The following PRRX1 variants were observed in gnomAD, a reference collection of about 807,000 sequenced individuals.
The protein encoded by PRRX1 is paired mesoderm homeobox protein 1.
Under a neutral mutation model 24.0 loss-of-function variants are expected in PRRX1, and 8 were observed. That is an observed-to-expected ratio of 0.33 (90% CI 0.20 to 0.60). The LOEUF (loss-of-function observed/expected upper bound fraction) is 0.60, where lower values mean the gene tolerates loss of function less well. Among genes scored for constraint, PRRX1 ranks in the 20% least tolerant of loss-of-function variants. The pLI is 0.82. For missense variants in PRRX1, 281 were observed against 322.4 expected (o/e 0.87, Z 0.98); for synonymous variants, 160 against 131.7 (o/e 1.22, Z -1.47).
Position 170,703,735 on chromosome 1 carries a change from G to T in PRRX1, c.242-15991G>T, listed in dbSNP as rs1286910510. 2.6e-5 allele frequency among the ~76,000 whole-genome samples: 4 copies of T among 152,286 alleles called. No individual in the cohort carries two copies. The East Asian group carries it at 7.7e-4, about 29-fold the overall frequency. ...ACCAGATATCAGCTGCATGCCCTGG[G>T]CTCAGGCAAGATGAGTGAGTTTGCT... On this transcript the variant is annotated intron_variant, in intron 1 of 3. Transcript: ENST00000239461.
chr1:170,702,232 C>T (rs950682724), intron 1 of PRRX1, among the ~76,000 whole-genome samples: 6 of 152,188 alleles, frequency 3.9e-5, no homozygotes, highest in South Asian at 2.1e-4. Context: ...TGCTGTGTGG[C>T]CCTGTTCCTA....
intron 1 of PRRX1, among the ~76,000 whole-genome samples, chr1:170,704,500 T>C (rs1654495950): frequency 6.6e-6 from 1 of 152,222 alleles, no homozygotes; most frequent in Non-Finnish European, 1.5e-5. Flanking sequence ...ATTGATTTAT[T>C]GGCCATTGGT....
At chr1:170,727,368 A>G (rs1655289396) in intron 3 of PRRX1, 1 of 152,198 alleles carries the variant, frequency 6.6e-6, no homozygotes, top group South Asian at 2.1e-4. Flanking sequence ...ACTCTGAGAA[A>G]CCAGGCCAAG....
chr1:170,731,257 C>T (rs1240091222), intron 3 of PRRX1, among the ~76,000 whole-genome samples: 1 of 152,200 alleles, frequency 6.6e-6, no homozygotes, highest in Non-Finnish European at 1.5e-5. Context: ...AAACCCGAGA[C>T]TTTCTGCAAC....
intron 1 of PRRX1, among the ~76,000 whole-genome samples, chr1:170,702,101 A>G (rs1654404868): frequency 1.3e-5 from 2 of 152,282 alleles, no homozygotes; most frequent in Non-Finnish European, 1.5e-5. Flanking sequence ...CCTGCAACCT[A>G]GATCCCGCGC....
Position 170,736,359 on chromosome 1 carries a change from A to G in PRRX1, c.*173A>G. ...GAAAAGCAGGAGAGGAGCAAAATGA[A>G]AATTAGTTAACAAATGTTCCTCCTC... On this transcript the variant is annotated 3_prime_UTR_variant, in exon 4 of 4. Transcript: ENST00000239461. 4.8e-6 allele frequency: 4 copies of G among 836,036 alleles called. No individual in the cohort carries two copies. Among genetic ancestry groups the G allele is most frequent in the Non-Finnish European group, 7.4e-6 (4 of 538,732 alleles). 51.8% of individuals were successfully genotyped at this position (836,036 alleles called of 1,614,324 possible).
chr1:170,672,146 C>T (rs1319069363), intron 1 of PRRX1, among the ~76,000 whole-genome samples: 1 of 152,152 alleles, frequency 6.6e-6, no homozygotes, highest in African/African-American at 2.4e-5. Context: ...GCAAATCTGA[C>T]TCCTGGCCTC....
chr1:170,671,022 A>G (rs1038734283), intron 1 of PRRX1, among the ~76,000 whole-genome samples: 1 of 152,178 alleles, frequency 6.6e-6, no homozygotes, highest in Non-Finnish European at 1.5e-5. Flanking sequence ...TATTTTTACC[A>G]TCATTGAGTC....
intron 1 of PRRX1, among the ~76,000 whole-genome samples, chr1:170,691,380 C>T (rs151095279): frequency 1.4e-3 from 213 of 152,048 alleles, no homozygotes; most frequent in African/African-American, 4.9e-3. Context: ...AGAGTTGCCA[C>T]TCAAATGGAT....
intron 3 of PRRX1, chr1:170,730,324 G>A (rs1467488786): frequency 1.2e-6 from 2 of 1,611,728 alleles, no homozygotes; most frequent in African/African-American, 2.7e-5. Context: ...CTTCATAACG[G>A]ATTCTAACGG....
intron 1 of PRRX1, among the ~76,000 whole-genome samples, chr1:170,694,924 CTAATA>C (rs967481390): frequency 1.6e-4 from 24 of 152,222 alleles, no homozygotes; most frequent in Non-Finnish European, 3.4e-4. Context: ...ATCAATGCTT[CTAATA>C]TGTCAGTCAG....
intron 1 of PRRX1, among the ~76,000 whole-genome samples, chr1:170,683,685 G>T (rs1322139340): frequency 6.6e-6 from 1 of 152,074 alleles, no homozygotes; most frequent in Non-Finnish European, 1.5e-5. Context: ...AGAAAGGAAG[G>T]GTTCTGCTTT....
At chr1:170,669,846 T>G (rs535424764) in intron 1 of PRRX1, among the ~76,000 whole-genome samples, 1 of 152,310 alleles carries the variant, frequency 6.6e-6, no homozygotes, top group East Asian at 1.9e-4. Flanking sequence ...TTCCCCCCTT[T>G]AGAAGAAGCT....
At chr1:170,662,834 A>G (rs1652769947), upstream of PRRX1, 1 of 152,138 alleles carries the variant, frequency 6.6e-6, no homozygotes, top group Admixed American at 6.6e-5. Context: ...AGCTGTTATC[A>G]AAACATGCAA....
chr1:170,665,422 C>T (rs542795764), intron 1 of PRRX1, among the ~76,000 whole-genome samples: 105 of 152,214 alleles, frequency 6.9e-4, no homozygotes, highest in Non-Finnish European at 1.0e-3. Context: ...CCCTGTTCAT[C>T]CCAGGTGACA....
chr1:170,677,713 G>A (rs1653370245), intron 1 of PRRX1, among the ~76,000 whole-genome samples: 1 of 152,186 alleles, frequency 6.6e-6, no homozygotes, highest in Admixed American at 6.5e-5. Flanking sequence ...GGAAGAGCCA[G>A]GAGTTTGGCT....
intron 1 of PRRX1, among the ~76,000 whole-genome samples, chr1:170,687,299 A>G (rs1337905649): frequency 6.6e-6 from 1 of 152,182 alleles, no homozygotes; most frequent in East Asian, 1.9e-4. Flanking sequence ...GAACAAGCCC[A>G]TTGGAGGCAT....
upstream of PRRX1, chr1:170,663,554 A>G (rs1414274356): frequency 6.6e-6 from 1 of 151,642 alleles, no homozygotes; most frequent in African/African-American, 2.4e-5. Context: ...TCTCTAATAC[A>G]TCTGCAAGAC....
At chr1:170,714,040 G>C (rs1357245713) in intron 1 of PRRX1, among the ~76,000 whole-genome samples, 1 of 152,184 alleles carries the variant, frequency 6.6e-6, no homozygotes, top group Non-Finnish European at 1.5e-5. Flanking sequence ...TGGTCATTGT[G>C]ATGCACTAAG....
Sources: allele counts gnomAD v4.1 joint callset (sites outside exome capture counted in the v4.1 genomes callset), GRCh38; gene constraint gnomAD v4.1.1; transcripts MANE v1.5; gene names NCBI Gene and HGNC (gene_info 2026-07-23, HGNC 2026-07-21).